RFTN1: variants seen among roughly 807,000 people sequenced by gnomAD.
RFTN1 encodes raftlin, lipid raft linker 1.
Under a neutral mutation model 46.5 loss-of-function variants are expected in RFTN1, and 26 were observed. The ratio of observed to expected loss-of-function variants is 0.56; its 90% confidence interval spans 0.41 to 0.78. The LOEUF (loss-of-function observed/expected upper bound fraction) is 0.78. Among genes scored for constraint, RFTN1 ranks in the 30% least tolerant of loss-of-function variants. RFTN1 has a pLI of 0.00. For synonymous variants in RFTN1, 261 were observed against 284.2 expected (o/e 0.92, Z 0.82); for missense variants, 693 against 718.7 (o/e 0.96, Z 0.41).
chr3:16,477,574 G>A (rs2076302353), intron 2 of RFTN1, among the ~76,000 whole-genome samples: 1 of 152,176 alleles, frequency 6.6e-6, no homozygotes, highest in African/African-American at 2.4e-5. Flanking sequence ...TAAACAACCT[G>A]CAATGAATCA....
At position 16,335,529 on chromosome 3, in the gene RFTN1, C is replaced by T. The variant is rs1004698748; in HGVS notation, c.1147-8653G>A. On this transcript the variant is annotated intron_variant, in intron 7 of 9. Coordinates refer to ENST00000334133, the MANE Select transcript of RFTN1 (RefSeq NM_015150.2). This position sits in a 1 kb window ranked among gnomAD's most constrained non-coding sequence, Gnocchi z 4.7. ...CGCAGGAACAGAAAATCAAACACCA[C>T]ATGTTCTCACTTACAAGTGGGAGAG... Among the ~76,000 whole-genome samples, 5 of 152,200 alleles carry T rather than the reference C, an allele frequency of 3.3e-5. No homozygotes were observed. Among genetic ancestry groups the T allele is most frequent in the African/African-American group, 4.8e-5 (2 of 41,438 alleles).
chr3:16,316,522 G>A lies in RFTN1; in HGVS notation c.*306C>T, dbSNP rs886128636. ...CTGTGGCGAGGACAGGCACTGGATG[G>A]TCCAGACCCTCTGGCTGGAGGAGTG... On this transcript the variant is annotated 3_prime_UTR_variant, in exon 10 of 10. Transcript: ENST00000334133. The surrounding 1 kb of genome is among the most constrained non-coding windows in gnomAD (Gnocchi z 4.5). The A allele has an allele frequency of 1.6e-5, 7 of 427,120 alleles. No individual in the cohort carries two copies. Among genetic ancestry groups the A allele is most frequent in the African/African-American group, 1.0e-4 (5 of 49,484 alleles). The allele number at this position is 427,120 out of a possible 1,614,324, so 26.5% of individuals were successfully genotyped here.
At position 16,426,152 on chromosome 3, in the gene RFTN1, A is replaced by G. The variant is rs932650153; in HGVS notation, c.332+7699T>C. ...GCACGCATCAATCAGTGCTAAACCC[A>G]CCGTTACTTTCTTCCCCACGTGTGA... On this transcript the variant is annotated intron_variant, in intron 3 of 9. Coordinates refer to ENST00000334133, the MANE Select transcript of RFTN1 (RefSeq NM_015150.2). The surrounding 1 kb of genome is among the most constrained non-coding windows in gnomAD (Gnocchi z 5.9). Among the ~76,000 whole-genome samples, 4 of 152,012 alleles carry G rather than the reference A, an allele frequency of 2.6e-5. No homozygotes were observed. Among genetic ancestry groups the G allele is most frequent in the African/African-American group, 9.7e-5 (4 of 41,366 alleles).
At chr3:16,477,223 C>T (rs964450094) in intron 2 of RFTN1, among the ~76,000 whole-genome samples, 4 of 152,194 alleles carry the variant, frequency 2.6e-5, no homozygotes, top group African/African-American at 9.7e-5. Context: ...GGATTAATCA[C>T]CTGCACCTAT....
intron 4 of RFTN1, among the ~76,000 whole-genome samples, chr3:16,393,108 TA>T: frequency 6.6e-6 from 1 of 151,994 alleles, no homozygotes; most frequent in East Asian, 1.9e-4. Flanking sequence ...ACACAATAAG[TA>T]AAAACAGTAA....
intron 4 of RFTN1, among the ~76,000 whole-genome samples, chr3:16,378,487 C>T (rs376070452): frequency 1.6e-4 from 25 of 152,096 alleles, no homozygotes; most frequent in African/African-American, 5.3e-4. Context: ...CACTTTTTTT[C>T]GGACGAATCA....
Position 16,458,064 on chromosome 3 carries a change from T to C in RFTN1, c.146-24027A>G, listed in dbSNP as rs188367976. On this transcript the variant is annotated intron_variant, in intron 2 of 9. Coordinates refer to ENST00000334133, the MANE Select transcript of RFTN1 (RefSeq NM_015150.2). This position sits in a 1 kb window ranked among gnomAD's most constrained non-coding sequence, Gnocchi z 5.1. Reference sequence around the variant, plus strand: ...GACACCAAACCTGCCAGCAAGTTGATCTTGGACTTCCCAGCCTCCAGAACT... The same window carrying C: ...GACACCAAACCTGCCAGCAAGTTGACCTTGGACTTCCCAGCCTCCAGAACT... Among the ~76,000 whole-genome samples, 9 of 152,248 alleles carry C rather than the reference T, an allele frequency of 5.9e-5. No individual in the cohort carries two copies. Among genetic ancestry groups the C allele is most frequent in the African/African-American group, 2.2e-4 (9 of 41,550 alleles).
intron 7 of RFTN1, chr3:16,349,786 T>C (rs2071968960): frequency 6.6e-6 from 1 of 152,276 alleles, no homozygotes; most frequent in Non-Finnish European, 1.5e-5. Flanking sequence ...TAGGCTATCT[T>C]GTATCTAGAA....
At position 16,457,489 on chromosome 3, in the gene RFTN1, T is replaced by A. The variant is rs570919535; in HGVS notation, c.146-23452A>T. On this transcript the variant is annotated intron_variant, in intron 2 of 9. Coordinates refer to ENST00000334133, the MANE Select transcript of RFTN1 (RefSeq NM_015150.2). The surrounding 1 kb of genome is among the most constrained non-coding windows in gnomAD (Gnocchi z 4.2). ...TGCCGGTTATCATTATACCTTCTTT[T>A]ACGATATACAAGGCATCCCAAAAGT... Among the ~76,000 whole-genome samples the A allele has an allele frequency of 9.8e-5, 15 of 152,360 alleles. No homozygotes were observed. The highest frequency in any genetic ancestry group is 3.4e-4 in the African/African-American group (14 of 41,584).
At chr3:16,330,573 G>A (rs2070212441) in intron 7 of RFTN1, among the ~76,000 whole-genome samples, 1 of 152,152 alleles carries the variant, frequency 6.6e-6, no homozygotes, top group South Asian at 2.1e-4. Flanking sequence ...CTCTGAGTAG[G>A]AGCAAAAATT....
intron 7 of RFTN1, among the ~76,000 whole-genome samples, chr3:16,328,080 G>A (rs530630451): frequency 3.9e-4 from 60 of 152,272 alleles, no homozygotes; most frequent in African/African-American, 1.3e-3. Context: ...TGGGTGCAAA[G>A]GCACAGCCCC....
rs1433960966 is a variant in RFTN1, at chr3:16,352,018, G to A, written c.1146+5914C>T. Among the ~76,000 whole-genome samples the A allele has an allele frequency of 6.6e-6, 1 of 152,198 alleles. No homozygotes were observed. The highest frequency in any genetic ancestry group is 6.5e-5 in the Admixed American group (1 of 15,282). On this transcript the variant is annotated intron_variant, in intron 7 of 9. Coordinates refer to ENST00000334133, the MANE Select transcript of RFTN1 (RefSeq NM_015150.2). The surrounding 1 kb of genome is among the most constrained non-coding windows in gnomAD (Gnocchi z 4.6). ...GATGAGGCAGAACTCTACTTCAGCA[G>A]ACACTCAACTCAAAAAGACTGGCAA...
At position 16,480,989 on chromosome 3, in the gene RFTN1, A is replaced by C. The variant is rs2076356314; in HGVS notation, c.145+12736T>G. On this transcript the variant is annotated intron_variant, in intron 2 of 9. Coordinates refer to ENST00000334133, the MANE Select transcript of RFTN1 (RefSeq NM_015150.2). The surrounding 1 kb of genome is among the most constrained non-coding windows in gnomAD (Gnocchi z 4.3). ...GTTACACACATATGCACATGCACAC[A>C]CACACACAGACACACACACACACAC... is the stretch of plus-strand genomic sequence containing the variant. 8.5e-6 allele frequency among the ~76,000 whole-genome samples: 1 copy of C among 117,974 alleles called. No homozygotes were observed. Among genetic ancestry groups the C allele is most frequent in the African/African-American group, 3.2e-5 (1 of 31,428 alleles). The allele number at this position is 117,974 out of a possible 152,430, so 77.4% of individuals were successfully genotyped here. A position where few individuals can be genotyped will look rare whatever the true frequency, so the allele number is the denominator to read the frequency against.
At chr3:16,434,405 AACC>A (rs1559345434) in intron 2 of RFTN1, among the ~76,000 whole-genome samples, 2 of 128,266 alleles carry the variant, frequency 1.6e-5, no homozygotes, top group African/African-American at 5.5e-5. Context: ...AAAACAAAAA[AACC>A]CCCTCAAAAT....
intron 4 of RFTN1, among the ~76,000 whole-genome samples, chr3:16,393,880 C>T (rs1423413712): frequency 6.6e-6 from 1 of 151,982 alleles, no homozygotes; most frequent in African/African-American, 2.4e-5. Flanking sequence ...AGGATCATCT[C>T]GATCTCCTGA....
intron 8 of RFTN1, among the ~76,000 whole-genome samples, chr3:16,324,488 G>C (rs1360458067): frequency 6.6e-6 from 1 of 152,000 alleles, no homozygotes; most frequent in Non-Finnish European, 1.5e-5. Context: ...CTGCTTCTAT[G>C]ACTCAACTTT....
At chr3:16,379,182 T>C (rs1366529563) in intron 4 of RFTN1, among the ~76,000 whole-genome samples, 1 of 152,196 alleles carries the variant, frequency 6.6e-6, no homozygotes, top group Non-Finnish European at 1.5e-5. Flanking sequence ...AGAGTCAGTT[T>C]TGCCAGCACA....
Position 16,498,874 on chromosome 3 carries a change from G to A in RFTN1, c.-8-4997C>T, listed in dbSNP as rs1038463150. Among the ~76,000 whole-genome samples, 1 of 152,094 alleles carries A rather than the reference G, an allele frequency of 6.6e-6. No individual in the cohort carries two copies. Among genetic ancestry groups the A allele is most frequent in the Non-Finnish European group, 1.5e-5 (1 of 68,032 alleles). ...GAAAAATCTAGCTTATAAAAAGTAGGAAAAATCAGCTGTAACAGTGACTTG... is the reference window on the plus strand; with the variant it reads ...GAAAAATCTAGCTTATAAAAAGTAGAAAAAATCAGCTGTAACAGTGACTTG... On this transcript the variant is annotated intron_variant, in intron 1 of 9. Coordinates refer to ENST00000334133, the MANE Select transcript of RFTN1 (RefSeq NM_015150.2). The surrounding 1 kb of genome is among the most constrained non-coding windows in gnomAD (Gnocchi z 5.2).
rs2124895412 is a variant in RFTN1, at chr3:16,447,057, AT to A, written c.146-13021del. Reference sequence around the variant, plus strand: ...TTCTATCCACAAAAGAAGACCACTCATTTGTTCAAAGGCACCACCCCAAGAC... The same window carrying A: ...TTCTATCCACAAAAGAAGACCACTCATTGTTCAAAGGCACCACCCCAAGAC... On this transcript the variant is annotated intron_variant, in intron 2 of 9. Transcript: ENST00000334133. This position sits in a 1 kb window ranked among gnomAD's most constrained non-coding sequence, Gnocchi z 5.9. Among the ~76,000 whole-genome samples, 1 of 152,298 alleles carries A rather than the reference AT, an allele frequency of 6.6e-6. No individual in the cohort carries two copies. The highest frequency in any genetic ancestry group is 2.4e-5 in the African/African-American group (1 of 41,558).
Sources: allele counts gnomAD v4.1 joint callset (sites outside exome capture counted in the v4.1 genomes callset), GRCh38; gene constraint gnomAD v4.1.1; non-coding constraint Gnocchi (gnomAD v3.1); transcripts MANE v1.5; gene names NCBI Gene and HGNC (gene_info 2026-07-23, HGNC 2026-07-21).